The following BBS9 variants were observed in gnomAD, a reference collection of about 807,000 sequenced individuals.
BBS9 encodes protein PTHB1.
A neutral mutation model predicts 117.7 loss-of-function variants in BBS9; 89 were observed. The observed-to-expected ratio is 0.76, with a 90% CI of 0.64 to 0.90. The LOEUF (loss-of-function observed/expected upper bound fraction) is 0.90, where lower values mean the gene tolerates loss of function less well. Among genes scored for constraint, BBS9 ranks in the 40% least tolerant of loss-of-function variants. The probability of loss-of-function intolerance (pLI) is 0.00; values close to 1 mark genes in which losing one functional copy is unlikely to be tolerated. For missense variants in BBS9, 982 were observed against 1,042.2 expected, an observed-to-expected ratio of 0.94 and a Z score of 0.80; for synonymous variants, 379 against 370.9, an observed-to-expected ratio of 1.02 and a Z score of -0.25.
chr7:33,226,483 G>T (rs929733767), intron 5 of BBS9, among the ~76,000 whole-genome samples: 2 of 152,076 alleles, frequency 1.3e-5, no homozygotes, highest in Non-Finnish European at 2.9e-5. Flanking sequence ...GGCTAGAATG[G>T]CTAGAATTAA....
At chr7:33,568,037 A>G (rs1420594728) in intron 21 of BBS9, among the ~76,000 whole-genome samples, 1 of 152,164 alleles carries the variant, frequency 6.6e-6, no homozygotes, top group East Asian at 1.9e-4. Flanking sequence ...ACTTCAGAAC[A>G]CATAGAAAGA....
chr7:33,464,726 A>G (rs560904343), intron 19 of BBS9, among the ~76,000 whole-genome samples: 1 of 152,124 alleles, frequency 6.6e-6, no homozygotes, highest in East Asian at 1.9e-4. Context: ...AAGCACATTT[A>G]TCAGTTAATT....
chr7:33,172,846 G>A (rs984032144), intron 4 of BBS9, among the ~76,000 whole-genome samples: 11 of 152,152 alleles, frequency 7.2e-5, no homozygotes, highest in African/African-American at 2.7e-4. Flanking sequence ...GGAAAAAATG[G>A]TGCTCCCATA....
chr7:33,161,228 G>A (rs1018573228), intron 4 of BBS9, among the ~76,000 whole-genome samples: 4 of 151,898 alleles, frequency 2.6e-5, no homozygotes, highest in Non-Finnish European at 4.4e-5. Context: ...CCATTAACTC[G>A]TCATTTACAT....
At chr7:33,132,761 A>G (rs184072050) in intron 1 of BBS9, among the ~76,000 whole-genome samples, 2 of 152,256 alleles carry the variant, frequency 1.3e-5, no homozygotes, top group East Asian at 3.9e-4. Flanking sequence ...CTCAATGTCA[A>G]GGCCTATATC....
At chr7:33,357,361 A>G (rs192344259) in intron 15 of BBS9, among the ~76,000 whole-genome samples, 1 of 151,914 alleles carries the variant, frequency 6.6e-6, no homozygotes, top group Non-Finnish European at 1.5e-5. Flanking sequence ...TTTCATGTTC[A>G]TAATCTGAAT....
At chr7:33,360,566 G>T (rs1490902607) in intron 16 of BBS9, among the ~76,000 whole-genome samples, 1 of 150,454 alleles carries the variant, frequency 6.6e-6, no homozygotes, top group Non-Finnish European at 1.5e-5. Context: ...TGTCACTGAG[G>T]TTGGAGTGCG....
chr7:33,129,300 G>C, upstream of BBS9: 1 of 549,998 alleles, frequency 1.8e-6, no homozygotes, highest in Non-Finnish European at 3.2e-6. Flanking sequence ...GGCGTGGCCT[G>C]CCCCCGGAGC....
intron 19 of BBS9, among the ~76,000 whole-genome samples, chr7:33,480,394 G>A (rs1466600383): frequency 1.3e-5 from 2 of 152,138 alleles, no homozygotes; most frequent in African/African-American, 2.4e-5. Context: ...GGAGAAAGAC[G>A]TGTCCCCTAG....
At chr7:33,411,322 G>T (rs1831104975) in intron 19 of BBS9, among the ~76,000 whole-genome samples, 1 of 152,030 alleles carries the variant, frequency 6.6e-6, no homozygotes, top group Non-Finnish European at 1.5e-5. Flanking sequence ...TAGAACAAGG[G>T]TTGACATAGT....
intron 4 of BBS9, among the ~76,000 whole-genome samples, chr7:33,174,169 G>A (rs973535297): frequency 6.6e-6 from 1 of 152,136 alleles, no homozygotes; most frequent in African/African-American, 2.4e-5. Flanking sequence ...AAGAAACTAG[G>A]AGAGCTCAAA....
intron 9 of BBS9, among the ~76,000 whole-genome samples, chr7:33,274,945 A>C (rs1255553224): frequency 6.8e-6 from 1 of 147,360 alleles, no homozygotes; most frequent in African/African-American, 2.5e-5. Flanking sequence ...CAGTGAGCCG[A>C]GATCACACCA....
intron 5 of BBS9, among the ~76,000 whole-genome samples, chr7:33,193,214 T>C (rs1784411750): frequency 6.6e-6 from 1 of 152,124 alleles, no homozygotes; most frequent in Admixed American, 6.6e-5. Flanking sequence ...ATCTGTCTGT[T>C]AGGGTTTTAT....
chr7:33,249,783 A>C (rs969677526), intron 5 of BBS9, among the ~76,000 whole-genome samples: 1 of 152,104 alleles, frequency 6.6e-6, no homozygotes, highest in African/African-American at 2.4e-5. Flanking sequence ...TCATCTTTTC[A>C]ATTTGTGCTT....
At chr7:33,627,508 A>G (rs1245009899) in intron 21 of BBS9, among the ~76,000 whole-genome samples, 1 of 152,170 alleles carries the variant, frequency 6.6e-6, no homozygotes, top group Non-Finnish European at 1.5e-5. Flanking sequence ...TCCAGACCCC[A>G]GAATGGTAGA....
At chr7:33,611,592 ATAATATTATTTAATTAAT>A (rs1256748821) in intron 21 of BBS9, among the ~76,000 whole-genome samples, 14 of 108,416 alleles carry the variant, frequency 1.3e-4, no homozygotes, top group East Asian at 1.3e-3. Context: ...ATATTATATA[ATAATATTATTTAATTAAT>A]TAATATTAAT....
chr7:33,565,758 A>T (rs1856741424), intron 21 of BBS9, among the ~76,000 whole-genome samples: 1 of 137,196 alleles, frequency 7.3e-6, no homozygotes, highest in African/African-American at 2.8e-5. Flanking sequence ...CCAGATCAAT[A>T]CAAAACATTA....
intron 5 of BBS9, among the ~76,000 whole-genome samples, chr7:33,236,162 A>G (rs189454633): frequency 3.3e-5 from 5 of 152,064 alleles, no homozygotes; most frequent in Admixed American, 6.6e-5. Flanking sequence ...CCCCATCTCT[A>G]CTAAAAATAC....
At chr7:33,550,784 GTTCC>G (rs1422391870) in intron 21 of BBS9, among the ~76,000 whole-genome samples, 1 of 152,070 alleles carries the variant, frequency 6.6e-6, no homozygotes, top group African/African-American at 2.4e-5. Flanking sequence ...CAATTATCTT[GTTCC>G]TGGTGGTTCT....
Sources: allele counts gnomAD v4.1 joint callset (sites outside exome capture counted in the v4.1 genomes callset), GRCh38; gene constraint gnomAD v4.1.1; transcripts MANE v1.5; gene names NCBI Gene and HGNC (gene_info 2026-07-23, HGNC 2026-07-21).